Variants in PCDHA5 observed in about 807,000 individuals in gnomAD.
The protein encoded by PCDHA5 is protocadherin alpha 5, also known as protocadherin alpha-5.
A neutral mutation model predicts 61.6 loss-of-function variants in PCDHA5; 43 were observed. The observed-to-expected ratio is 0.70, with a 90% CI of 0.55 to 0.90. The LOEUF (loss-of-function observed/expected upper bound fraction) is 0.90. PCDHA5 is among the 40% of genes least tolerant of loss of function. PCDHA5 has a pLI of 0.00. For missense variants in PCDHA5, 1,298 were observed against 1,222.7 expected (o/e 1.06, Z -0.92); for synonymous variants, 627 against 543.9 (o/e 1.15, Z -2.13).
chr5:140,871,476 G>A (rs1437006996), intron 1 of PCDHA5: 1 of 1,598,568 alleles, frequency 6.3e-7, no homozygotes, highest in Admixed American at 1.7e-5. Flanking sequence ...AGGAGCCAGG[G>A]TCAAATCACC....
intron 1 of PCDHA5, chr5:140,876,221 T>C: frequency 1.2e-6 from 2 of 1,613,988 alleles, no homozygotes; most frequent in Non-Finnish European, 1.7e-6. Context: ...TATAAAGTAG[T>C]GTTGTCTGAA....
At position 140,822,309 on chromosome 5, in the gene PCDHA5, C is replaced by T. The variant is rs2150115372; in HGVS notation, c.534C>T (p.Asp178=). ...RYRLNPNEYF[D]LDVKTNEEET... is the part of the protein sequence containing the mutation. ...GGTTAAATCCAAACGAATATTTTGA[C>T]TTAGATGTTAAAACAAATGAAGAAG... is the stretch of plus-strand genomic sequence containing the variant. Residue 178 remains aspartate (D), a synonymous_variant, in exon 1 of 4, where the codon GAC becomes GAT. Transcript: ENST00000529859. 2 of 1,614,162 alleles carry T rather than the reference C, an allele frequency of 1.2e-6. No homozygotes were observed. Among genetic ancestry groups the T allele is most frequent in the East Asian group, 2.2e-5 (1 of 44,888 alleles).
At chr5:140,894,656 C>T (rs2064591261) in intron 1 of PCDHA5, among the ~76,000 whole-genome samples, 2 of 151,616 alleles carry the variant, frequency 1.3e-5, no homozygotes, top group Non-Finnish European at 2.9e-5. Flanking sequence ...CTCTCTAATT[C>T]TGATTTGTGT....
At chr5:140,925,231 G>A (rs2082401450) in intron 1 of PCDHA5, among the ~76,000 whole-genome samples, 1 of 152,154 alleles carries the variant, frequency 6.6e-6, no homozygotes, top group Non-Finnish European at 1.5e-5. Flanking sequence ...GTTTCTACCA[G>A]AAAATATGTC....
intron 3 of PCDHA5, among the ~76,000 whole-genome samples, chr5:141,006,789 C>T (rs1388215052): frequency 6.6e-6 from 1 of 152,026 alleles, no homozygotes; most frequent in Non-Finnish European, 1.5e-5. Flanking sequence ...GAATAATTAG[C>T]TTTGAACTTT....
intron 3 of PCDHA5, among the ~76,000 whole-genome samples, chr5:140,985,873 G>C (rs1210347898): frequency 1.3e-5 from 2 of 151,280 alleles, no homozygotes; most frequent in Non-Finnish European, 2.9e-5. Flanking sequence ...CTGAGTAGCT[G>C]GGACTACAGG....
intron 1 of PCDHA5, chr5:140,877,544 C>A (rs782624202): frequency 6.2e-7 from 1 of 1,613,676 alleles, no homozygotes; most frequent in African/African-American, 1.3e-5. Context: ...GATCCCGAAG[C>A]GGCTCTGGTG....
intron 1 of PCDHA5, among the ~76,000 whole-genome samples, chr5:140,938,453 G>A (rs558258483): frequency 6.6e-6 from 1 of 151,990 alleles, no homozygotes; most frequent in African/African-American, 2.4e-5. Context: ...AGTTCCCTTT[G>A]TTTTTTAATT....
At chr5:140,848,916 T>C (rs1389389482) in intron 1 of PCDHA5, 1 of 1,607,882 alleles carries the variant, frequency 6.2e-7, no homozygotes, top group South Asian at 1.1e-5. Context: ...AAAGAATCTG[T>C]TCATCGCGGA....
intron 1 of PCDHA5, chr5:140,876,792 A>T: frequency 6.2e-7 from 1 of 1,614,116 alleles, no homozygotes; most frequent in Non-Finnish European, 8.5e-7. Context: ...CCACGGCTAG[A>T]GTGTCCGTGG....
At chr5:140,871,519 A>C in intron 1 of PCDHA5, 1 of 1,554,010 alleles carries the variant, frequency 6.4e-7, no homozygotes, top group Non-Finnish European at 8.7e-7. Context: ...GATTCCACCT[A>C]TCAGGAAGTG....
intron 3 of PCDHA5, among the ~76,000 whole-genome samples, chr5:140,984,861 C>T (rs1163314869): frequency 6.6e-6 from 1 of 151,870 alleles, no homozygotes; most frequent in Non-Finnish European, 1.5e-5. Flanking sequence ...ATAATAACAC[C>T]TATTTTATTG....
Position 140,850,666 on chromosome 5 carries a change from C to A in PCDHA5, c.2352+26539C>A, listed in dbSNP as rs2150492830. 6.9e-6 allele frequency: 11 copies of A among 1,598,434 alleles called. 3 individuals carry two copies. Among genetic ancestry groups the A allele is most frequent in the Middle Eastern group, 1.7e-4 (1 of 5,998 alleles). ...CTGCTGTACACTGTGCTGCGGTGCT[C>A]GGCGATGCCCACCGAGGGCGAGTGC... On this transcript the variant is annotated intron_variant, in intron 1 of 3. Transcript: ENST00000529859.
chr5:140,979,125 C>T (rs782380399), intron 2 of PCDHA5, 118 bp downstream of exon 2: 4 of 1,479,726 alleles, frequency 2.7e-6, no homozygotes, highest in African/African-American at 2.8e-5. Context: ...GGTACTTTGC[C>T]AGGAAAATGC....
chr5:140,995,901 A>C (rs2097702550), intron 3 of PCDHA5, among the ~76,000 whole-genome samples: 3 of 152,212 alleles, frequency 2.0e-5, no homozygotes, highest in Non-Finnish European at 1.5e-5. Flanking sequence ...CAATGTATAA[A>C]AGAGGAGAGA....
At position 140,835,575 on chromosome 5, in the gene PCDHA5, G is replaced by A; in HGVS notation, c.2352+11448G>A. The A allele has an allele frequency of 6.2e-7, 1 of 1,613,870 alleles. No individual in the cohort carries two copies. ...GACGCCCCGCGTTCCCTTCAAGTTG[G>A]TGTCCACCTTCAAGAATTACTATTC... On this transcript the variant is annotated intron_variant, in intron 1 of 3. Transcript: ENST00000529859.
At chr5:140,957,689 A>G (rs2095375568) in intron 1 of PCDHA5, among the ~76,000 whole-genome samples, 1 of 152,234 alleles carries the variant, frequency 6.6e-6, no homozygotes. Flanking sequence ...TATCTAGACA[A>G]TGAACATTAT....
rs2150134269 is a variant in PCDHA5, at chr5:140,824,393, A to T, written c.2352+266A>T. On this transcript the variant is annotated intron_variant, in intron 1 of 3. Transcript: ENST00000529859. ...AATTTTGCATCTCTAAAAATGTAGG[A>T]TAATAATTGTAAGACATAGTTTGGA... 1.3e-5 allele frequency: 7 copies of T among 552,594 alleles called. No homozygotes were observed. The East Asian group carries it at 2.1e-4, about 17-fold the overall frequency. The allele number at this position is 552,594 out of a possible 1,614,324, so 34.2% of individuals were successfully genotyped here. A position where few individuals can be genotyped will look rare whatever the true frequency, so the allele number is the denominator to read the frequency against.
intron 1 of PCDHA5, chr5:140,828,909 C>G (rs1213488123): frequency 1.2e-6 from 2 of 1,614,072 alleles, no homozygotes; most frequent in South Asian, 1.1e-5. Context: ...GATGAAGGAG[C>G]GAATGGGGCA....
Sources: allele counts gnomAD v4.1 joint callset (sites outside exome capture counted in the v4.1 genomes callset), GRCh38; gene constraint gnomAD v4.1.1; transcripts MANE v1.5; gene names NCBI Gene and HGNC (gene_info 2026-07-23, HGNC 2026-07-21).